The following KLF8 variants were observed in gnomAD, a reference collection of about 807,000 sequenced individuals.
The protein encoded by KLF8 is Krueppel-like factor 8.
KLF8 carries 10 observed loss-of-function variants against 18.2 expected under a neutral mutation model. The observed-to-expected ratio is 0.55, with a 90% CI of 0.34 to 0.93. KLF8 has a LOEUF of 0.93. KLF8 is among the 40% of genes least tolerant of loss of function. The pLI, the probability that KLF8 is intolerant of heterozygous loss-of-function variation, is 0.02. For missense variants in KLF8, 264 were observed against 277.9 expected (o/e 0.95, Z 0.36); for synonymous variants, 109 against 97.3 (o/e 1.12, Z -0.71).
At chrX:56,245,750 AC>A (rs760798420) in intron 1 of KLF8, among the ~76,000 whole-genome samples, 3 of 111,193 alleles carry the variant, frequency 2.7e-5, no homozygotes, top group Non-Finnish European at 3.8e-5. Context: ...ATATACTATA[AC>A]CCCCTTTTGT....
chrX:56,023,421 A>G, the KLF8 span, among the ~76,000 whole-genome samples: 8 of 112,087 alleles, frequency 7.1e-5, no homozygotes, highest in Admixed American at 7.6e-4. Context: ...TCTATGAGAC[A>G]AACAAAGACA....
chrX:55,923,744 GTA>G, the KLF8 span, among the ~76,000 whole-genome samples: 25 of 94,708 alleles, frequency 2.6e-4, no homozygotes, highest in South Asian at 5.9e-3. Context: ...GTGTGTGTGT[GTA>G]TATCTGTATA....
chrX:56,029,363 A>G, the KLF8 span, among the ~76,000 whole-genome samples: 2 of 111,677 alleles, frequency 1.8e-5, no homozygotes, highest in African/African-American at 3.3e-5. Context: ...GGCAAGGGGC[A>G]GTCAGGCATA....
chrX:56,122,455 A>G, the KLF8 span, among the ~76,000 whole-genome samples: 2 of 111,912 alleles, frequency 1.8e-5, no homozygotes, highest in South Asian at 7.5e-4. Flanking sequence ...TATGCATTCA[A>G]TTATACTGAT....
At chrX:56,203,545 T>A in the KLF8 span, among the ~76,000 whole-genome samples, 2 of 111,001 alleles carry the variant, frequency 1.8e-5, no homozygotes, top group Non-Finnish European at 3.8e-5. Flanking sequence ...CTTGCAGTAG[T>A]TTCATAGTTT....
At chrX:55,964,533 T>C in the KLF8 span, among the ~76,000 whole-genome samples, 2 of 111,747 alleles carry the variant, frequency 1.8e-5, no homozygotes, top group African/African-American at 6.5e-5. Context: ...GCCAAGATTG[T>C]GCCACTGCAC....
the KLF8 span, among the ~76,000 whole-genome samples, chrX:55,946,389 G>T: frequency 9.0e-6 from 1 of 111,669 alleles, no homozygotes; most frequent in East Asian, 2.8e-4. Context: ...ATGGGGAAAG[G>T]ATTCCCTATT....
the KLF8 span, among the ~76,000 whole-genome samples, chrX:56,222,424 T>G: frequency 7.1e-4 from 80 of 112,429 alleles, no homozygotes; most frequent in East Asian, 0.02. Flanking sequence ...GGGCGCTGAT[T>G]GGTGTGTCCA....
chrX:56,130,932 A>G, the KLF8 span, among the ~76,000 whole-genome samples: 2 of 111,922 alleles, frequency 1.8e-5, no homozygotes, highest in African/African-American at 6.5e-5. Context: ...AAGGTTTTCA[A>G]AGTAACCTAA....
chrX:56,067,873 G>C, the KLF8 span, among the ~76,000 whole-genome samples: 23 of 112,587 alleles, frequency 2.0e-4, no homozygotes, highest in African/African-American at 7.1e-4. Context: ...CTCCAATAGA[G>C]GCCAAAGTGG....
the KLF8 span, among the ~76,000 whole-genome samples, chrX:56,036,146 A>G: frequency 9.0e-6 from 1 of 111,625 alleles, no homozygotes; most frequent in African/African-American, 3.3e-5. Context: ...TTTATGGGGT[A>G]CATAGTAGTA....
At chrX:56,118,615 A>G in the KLF8 span, among the ~76,000 whole-genome samples, 1 of 111,225 alleles carries the variant, frequency 9.0e-6, no homozygotes, top group Non-Finnish European at 1.9e-5. Flanking sequence ...TGAAAGCCTA[A>G]GTCTCCTAAC....
chrX:56,116,634 GATATATATATATATAT>G, the KLF8 span, among the ~76,000 whole-genome samples: 2 of 78,157 alleles, frequency 2.6e-5, no homozygotes, highest in Non-Finnish European at 4.8e-5. Flanking sequence ...ATGATGTTCT[GATATATATATATATAT>G]ATATATATAT....
At chrX:56,228,505 T>C (rs1024377459), upstream of KLF8, among the ~76,000 whole-genome samples, 3 of 112,487 alleles carry the variant, frequency 2.7e-5, no homozygotes, top group Non-Finnish European at 3.7e-5. Context: ...TGTGAAGTAA[T>C]ATCTTTAAAA....
chrX:56,235,971 A>G (rs764711484), intron 1 of KLF8, among the ~76,000 whole-genome samples: 1 of 112,152 alleles, frequency 8.9e-6, no homozygotes, highest in East Asian at 2.8e-4. Flanking sequence ...AGGAAGCTGG[A>G]TTTAAATATA....
chrX:56,005,029 G>GATTATTATT, the KLF8 span, among the ~76,000 whole-genome samples: 31 of 100,045 alleles, frequency 3.1e-4, no homozygotes, highest in Admixed American at 1.0e-3. Context: ...TATCCTTTAT[G>GATTATTATT]ATTATTATTA....
intron 5 of KLF8, 28 bp from the exon 6 acceptor site, chrX:56,284,285 T>A: frequency 9.4e-7 from 1 of 1,060,167 alleles, no homozygotes; most frequent in Non-Finnish European, 1.2e-6. Flanking sequence ...TCTCTGATTC[T>A]CTTTTTTTTG....
chrX:56,097,881 C>A, the KLF8 span, among the ~76,000 whole-genome samples: 2 of 109,084 alleles, frequency 1.8e-5, no homozygotes, highest in African/African-American at 6.7e-5. Flanking sequence ...AGTAACAAAG[C>A]AAGGATATTT....
At chrX:56,068,564 C>G in the KLF8 span, among the ~76,000 whole-genome samples, 4 of 111,652 alleles carry the variant, frequency 3.6e-5, no homozygotes, top group Admixed American at 1.9e-4. Flanking sequence ...TCCACCCACT[C>G]GCACCACTGG....
Sources: gnomAD v4.1 joint callset for allele counts (sites outside exome capture counted in the v4.1 genomes callset) on GRCh38, gnomAD v4.1.1 for gene constraint, MANE v1.5 for transcripts, NCBI Gene and HGNC (gene_info 2026-07-23, HGNC 2026-07-21) for gene names.